The following ZNF407 variants were observed in gnomAD, a reference collection of about 807,000 sequenced individuals.
ZNF407 encodes zinc finger protein 407.
A neutral mutation model predicts 131.2 loss-of-function variants in ZNF407; 17 were observed. The ratio of observed to expected loss-of-function variants is 0.13; its 90% CI spans 0.09 to 0.19. The LOEUF is 0.19. Among genes scored for constraint, ZNF407 ranks in the 10% least tolerant of loss-of-function variants. The probability of loss-of-function intolerance (pLI) is 1.00; values close to 1 mark genes in which losing one functional copy is unlikely to be tolerated. For synonymous variants in ZNF407, 1,156 were observed against 1,062.0 expected (o/e 1.09, Z -1.72); for missense variants, 2,681 against 2,830.6 (o/e 0.95, Z 1.20).
intron 8 of ZNF407, among the ~76,000 whole-genome samples, chr18:75,006,868 T>C (rs1420433011): frequency 6.6e-6 from 1 of 152,184 alleles, no homozygotes; most frequent in East Asian, 1.9e-4. Context: ...AAATCTATTG[T>C]TAGATACAAC....
At chr18:74,669,120 A>C (rs1741748959) in intron 3 of ZNF407, among the ~76,000 whole-genome samples, 1 of 152,046 alleles carries the variant, frequency 6.6e-6, no homozygotes, top group South Asian at 2.1e-4. Context: ...TGGCGTCCTC[A>C]TCCACAGTTC....
chr18:74,910,613 T>G (rs1223158025), intron 7 of ZNF407, among the ~76,000 whole-genome samples: 1 of 152,162 alleles, frequency 6.6e-6, no homozygotes, highest in Non-Finnish European at 1.5e-5. Context: ...ACGGAAGAAT[T>G]TAACCCGCTA....
chr18:74,899,844 A>C (rs146566399), intron 7 of ZNF407, among the ~76,000 whole-genome samples: 1 of 152,302 alleles, frequency 6.6e-6, no homozygotes, highest in African/African-American at 2.4e-5. Flanking sequence ...TTAGTACAGT[A>C]GTGAGAACAG....
intron 1 of ZNF407, among the ~76,000 whole-genome samples, chr18:74,619,676 G>C (rs1983439510): frequency 6.6e-6 from 1 of 151,974 alleles, no homozygotes; most frequent in African/African-American, 2.4e-5. Context: ...TTAAGTAAAG[G>C]ATATAAATTC....
rs1197143197 is a variant in ZNF407 at position 74,641,108 on chromosome 18, G to A, written c.4788G>A (p.Lys1596=). 6 of 1,612,906 alleles carry A rather than the reference G, an allele frequency of 3.7e-6. No homozygotes were observed. The highest frequency in any genetic ancestry group is 5.1e-6 in the Non-Finnish European group (6 of 1,179,144). Residue 1596 remains lysine (K), a synonymous_variant, in exon 3 of 9, where the codon AAG becomes AAA. Coordinates refer to ENST00000299687, the MANE Select transcript of ZNF407 (RefSeq NM_017757.3). Reference sequence around the variant, plus strand: ...GGCACCTTGGGATGAGGGAATACAAGTGTCATGTCTGTGGGTGAGTAAATT... The same window carrying A: ...GGCACCTTGGGATGAGGGAATACAAATGTCATGTCTGTGGGTGAGTAAATT... The part of the protein sequence containing the change: ...VKRHLGMREY[K]CHVCGVAFVM...
chr18:74,778,677 C>A (rs1462297542), intron 3 of ZNF407, among the ~76,000 whole-genome samples: 2 of 152,076 alleles, frequency 1.3e-5, no homozygotes, highest in East Asian at 3.9e-4. Flanking sequence ...AGAGGAGTGG[C>A]TAGTCAAGCT....
chr18:74,915,098 T>C (rs1971729250), intron 7 of ZNF407, among the ~76,000 whole-genome samples: 1 of 152,104 alleles, frequency 6.6e-6, no homozygotes, highest in South Asian at 2.1e-4. Context: ...AAGATACATA[T>C]AGATGGTGAC....
chr18:74,830,733 A>G (rs1334758912), intron 4 of ZNF407, among the ~76,000 whole-genome samples: 3 of 152,238 alleles, frequency 2.0e-5, no homozygotes, highest in Non-Finnish European at 2.9e-5. Context: ...TGGCATGTCC[A>G]TCATCTGAAA....
intron 3 of ZNF407, among the ~76,000 whole-genome samples, chr18:74,658,249 G>C (rs1985563315): frequency 6.6e-6 from 1 of 152,058 alleles, no homozygotes. Context: ...CTCCCGAGCA[G>C]CTGGGATTAC....
chr18:74,639,521 CTG>C (rs1323320446), intron 2 of ZNF407, among the ~76,000 whole-genome samples: 1 of 152,122 alleles, frequency 6.6e-6, no homozygotes, highest in Non-Finnish European at 1.5e-5. Flanking sequence ...TTTAAATAAA[CTG>C]TATTTTCTAA....
At chr18:74,867,459 G>T (rs1190785628) in intron 4 of ZNF407, among the ~76,000 whole-genome samples, 1 of 152,172 alleles carries the variant, frequency 6.6e-6, no homozygotes, top group Non-Finnish European at 1.5e-5. Flanking sequence ...GCCCAATGTT[G>T]TAGAAATATT....
intron 8 of ZNF407, among the ~76,000 whole-genome samples, chr18:75,014,263 T>G (rs1973017509): frequency 6.6e-6 from 1 of 152,130 alleles, no homozygotes; most frequent in Admixed American, 6.5e-5. Flanking sequence ...ATTAAGTACC[T>G]GGTCACCAAT....
chr18:74,765,214 T>C (rs1969202408), intron 3 of ZNF407, among the ~76,000 whole-genome samples: 1 of 152,212 alleles, frequency 6.6e-6, no homozygotes, highest in African/African-American at 2.4e-5. Flanking sequence ...GTATTTATAG[T>C]AATTGTTTTA....
chr18:74,606,141 A>C (rs1267804897), intron 1 of ZNF407, among the ~76,000 whole-genome samples: 1 of 152,234 alleles, frequency 6.6e-6, no homozygotes, highest in Admixed American at 6.5e-5. Context: ...AAATGAGAGC[A>C]GTTTAAGGAA....
chr18:74,783,158 A>C (rs1160828213), intron 4 of ZNF407, among the ~76,000 whole-genome samples: 1 of 152,160 alleles, frequency 6.6e-6, no homozygotes, highest in Non-Finnish European at 1.5e-5. Flanking sequence ...CCTTATTAGC[A>C]GTACATTATT....
chr18:74,848,945 T>A lies in ZNF407; in HGVS notation c.4878-28252T>A, dbSNP rs564410376. Reference sequence around the variant, plus strand: ...AGTCTGTTTCACAGTCAATTCTAGCTTGAAAATTCTGCGTTGTACTGAAGT... The same window carrying A: ...AGTCTGTTTCACAGTCAATTCTAGCATGAAAATTCTGCGTTGTACTGAAGT... On this transcript the variant is annotated intron_variant, in intron 4 of 8. Coordinates refer to ENST00000299687, the MANE Select transcript of ZNF407 (RefSeq NM_017757.3). 9.5e-4 allele frequency among the ~76,000 whole-genome samples: 145 copies of A among 152,316 alleles called. 1 individual carries two copies. Among genetic ancestry groups the A allele is most frequent in the African/African-American group, 3.1e-3 (128 of 41,568 alleles).
At chr18:74,931,867 A>G (rs1180589060) in intron 8 of ZNF407, among the ~76,000 whole-genome samples, 3 of 152,194 alleles carry the variant, frequency 2.0e-5, no homozygotes, top group Non-Finnish European at 2.9e-5. Context: ...TTGAAATACA[A>G]TATTTTTCCC....
intron 1 of ZNF407, among the ~76,000 whole-genome samples, chr18:74,611,406 G>A (rs1371421536): frequency 1.3e-5 from 2 of 152,192 alleles, no homozygotes; most frequent in East Asian, 3.8e-4. Context: ...TTAGTATCCA[G>A]CAGGGTGACT....
intron 4 of ZNF407, among the ~76,000 whole-genome samples, chr18:74,814,486 T>C (rs912321703): frequency 1.3e-5 from 2 of 152,190 alleles, no homozygotes; most frequent in Admixed American, 6.5e-5. Context: ...AATGTATGTT[T>C]ACTTGAGCTA....
Sources: gnomAD v4.1 joint callset for allele counts (sites outside exome capture counted in the v4.1 genomes callset) on GRCh38, gnomAD v4.1.1 for gene constraint, MANE v1.5 for transcripts, NCBI Gene and HGNC (gene_info 2026-07-23, HGNC 2026-07-21) for gene names.